C8orf34: variants seen among roughly 807,000 people sequenced by gnomAD.
C8orf34 encodes uncharacterized protein C8orf34.
Under a neutral mutation model 68.3 loss-of-function variants are expected in C8orf34, and 65 were observed. The observed-to-expected ratio is 0.95, with a 90% CI of 0.78 to 1.17. The LOEUF (loss-of-function observed/expected upper bound fraction) is 1.17. Ranked by LOEUF, C8orf34 falls within the 50% of genes most tolerant of loss-of-function variation. The probability of loss-of-function intolerance (pLI) is 0.00; values close to 1 mark genes in which losing one functional copy is unlikely to be tolerated. For synonymous variants in C8orf34, 244 were observed against 241.2 expected (o/e 1.01, Z -0.11); for missense variants, 664 against 655.4 (o/e 1.01, Z -0.14).
intron 7 of C8orf34, among the ~76,000 whole-genome samples, chr8:68,637,316 A>G (rs1486818102): frequency 1.3e-5 from 2 of 152,096 alleles, no homozygotes; most frequent in Non-Finnish European, 2.9e-5. Flanking sequence ...TAAACAATGA[A>G]TCAGTAACTC....
chr8:68,806,377 A>T (rs1454661760), intron 12 of C8orf34, among the ~76,000 whole-genome samples: 1 of 152,084 alleles, frequency 6.6e-6, no homozygotes, highest in Admixed American at 6.5e-5. Context: ...TCTTTGCCTG[A>T]AATTTCTCAA....
chr8:68,396,291 T>A (rs976298285), intron 1 of C8orf34, among the ~76,000 whole-genome samples: 9 of 152,180 alleles, frequency 5.9e-5, no homozygotes, highest in African/African-American at 9.6e-5. Context: ...TTTATAATAT[T>A]TCCTGAAATT....
chr8:68,652,255 A>T (rs927987349), intron 8 of C8orf34, among the ~76,000 whole-genome samples: 3 of 152,134 alleles, frequency 2.0e-5, no homozygotes, highest in African/African-American at 7.2e-5. Context: ...CTCATTTTTA[A>T]TTTGGGCTAT....
At chr8:68,552,991 G>A (rs998002823) in intron 7 of C8orf34, among the ~76,000 whole-genome samples, 4 of 151,932 alleles carry the variant, frequency 2.6e-5, no homozygotes, top group African/African-American at 7.3e-5. Context: ...TTGTATCTAC[G>A]TCTATAAGAG....
intron 1 of C8orf34, among the ~76,000 whole-genome samples, chr8:68,399,216 A>G (rs755643107): frequency 4.2e-4 from 64 of 151,886 alleles, no homozygotes; most frequent in Non-Finnish European, 8.5e-4. Flanking sequence ...TGTTACATGG[A>G]TAGTTTGTGC....
chr8:68,663,224 T>C (rs1819736170), intron 8 of C8orf34, among the ~76,000 whole-genome samples: 1 of 152,212 alleles, frequency 6.6e-6, no homozygotes, highest in African/African-American at 2.4e-5. Context: ...TTTTGTTTGT[T>C]TCAGAGAAGA....
intron 8 of C8orf34, among the ~76,000 whole-genome samples, chr8:68,688,038 A>G (rs1373836960): frequency 6.6e-6 from 1 of 152,122 alleles, no homozygotes; most frequent in Admixed American, 6.6e-5. Flanking sequence ...GGTCAACATA[A>G]CTAATCATCA....
rs148349065 is a variant in C8orf34, at chr8:68,670,016, C to T, written c.1241+29505C>T. Among the ~76,000 whole-genome samples, 536 of 152,284 alleles carry T rather than the reference C, an allele frequency of 3.5e-3. 8 individuals are homozygous for T. The highest frequency in any genetic ancestry group is 0.018 in the East Asian group (94 of 5,172). ...TTTGATCTTTCTTCTTTGGCTCATT[C>T]ATGATGATGGAGTTTCTATATGAAC... On this transcript the variant is annotated intron_variant, in intron 8 of 13. Transcript: ENST00000518698.
intron 11 of C8orf34, among the ~76,000 whole-genome samples, chr8:68,778,606 TTTGACCAAATAAAAAA>T (rs1419205151): frequency 1.3e-5 from 2 of 152,150 alleles, no homozygotes; most frequent in Non-Finnish European, 2.9e-5. Flanking sequence ...GATTTGTGGT[TTTGACCAAATAAAAAA>T]TGAAATATTT....
intron 10 of C8orf34, among the ~76,000 whole-genome samples, chr8:68,723,245 T>C (rs1821725513): frequency 6.6e-6 from 1 of 152,100 alleles, no homozygotes; most frequent in Admixed American, 6.6e-5. Flanking sequence ...CCTAATCCTT[T>C]TTACAATTAA....
At chr8:68,704,498 T>C (rs935491320) in intron 8 of C8orf34, among the ~76,000 whole-genome samples, 3 of 152,098 alleles carry the variant, frequency 2.0e-5, no homozygotes, top group Non-Finnish European at 2.9e-5. Context: ...TTATGCAATA[T>C]AGAGACTCAA....
chr8:68,404,673 T>A (rs1178362883), intron 1 of C8orf34, among the ~76,000 whole-genome samples: 2 of 152,204 alleles, frequency 1.3e-5, no homozygotes, highest in East Asian at 3.8e-4. Flanking sequence ...TTGTCAAAGA[T>A]CAGATTGTTG....
intron 7 of C8orf34, among the ~76,000 whole-genome samples, chr8:68,631,195 G>C (rs934025185): frequency 6.6e-6 from 1 of 151,956 alleles, no homozygotes; most frequent in East Asian, 1.9e-4. Context: ...CTGGGAGATG[G>C]AGGTTGCAGT....
At chr8:68,666,707 G>A (rs193103370) in intron 8 of C8orf34, among the ~76,000 whole-genome samples, 44 of 152,164 alleles carry the variant, frequency 2.9e-4, no homozygotes, top group Admixed American at 5.2e-4. Flanking sequence ...ATTTGCTTGC[G>A]TGTATTTTTC....
chr8:68,779,150 C>T (rs1232355070), intron 11 of C8orf34, among the ~76,000 whole-genome samples: 1 of 150,710 alleles, frequency 6.6e-6, no homozygotes, highest in Non-Finnish European at 1.5e-5. Context: ...GCACTCCAGC[C>T]TGCGTGACAG....
chr8:68,672,404 C>T (rs1820043083), intron 8 of C8orf34, among the ~76,000 whole-genome samples: 1 of 152,192 alleles, frequency 6.6e-6, no homozygotes, highest in African/African-American at 2.4e-5. Context: ...GGCCACCCTA[C>T]ACCCATCCCT....
At chr8:68,414,644 A>G (rs1355679145) in intron 1 of C8orf34, among the ~76,000 whole-genome samples, 1 of 152,148 alleles carries the variant, frequency 6.6e-6, no homozygotes, top group Non-Finnish European at 1.5e-5. Flanking sequence ...AGAGAACTGC[A>G]CGGGTAAAAT....
At chr8:68,367,778 T>C (rs814461) in intron 1 of C8orf34, among the ~76,000 whole-genome samples, 10,398 of 136,108 alleles carry the variant, frequency 0.076, 450 homozygotes, top group Middle Eastern at 0.11. Context: ...ATGGATAGCA[T>C]TGGGAGATAT....
intron 2 of C8orf34, among the ~76,000 whole-genome samples, chr8:68,440,654 T>C (rs773255708): frequency 6.6e-6 from 1 of 152,170 alleles, no homozygotes; most frequent in Admixed American, 6.5e-5. Flanking sequence ...CTAAGTAGAA[T>C]GGGTAGGTAG....
Sources: allele counts gnomAD v4.1 joint callset (sites outside exome capture counted in the v4.1 genomes callset), GRCh38; gene constraint gnomAD v4.1.1; transcripts MANE v1.5; gene names NCBI Gene and HGNC (gene_info 2026-07-23, HGNC 2026-07-21).